The following DLGAP2 variants were observed in gnomAD, a reference collection of about 807,000 sequenced individuals.
DLGAP2 encodes the protein disks large-associated protein 2.
A neutral mutation model predicts 100.3 loss-of-function variants in DLGAP2; 26 were observed. That is an observed-to-expected ratio of 0.26 (90% CI 0.19 to 0.36). DLGAP2 has a LOEUF of 0.36. Among genes scored for constraint, DLGAP2 ranks in the 10% least tolerant of loss-of-function variants. The pLI, the probability that DLGAP2 is intolerant of heterozygous loss-of-function variation, is 1.00. For missense variants in DLGAP2, 1,858 were observed against 1,453.2 expected (o/e 1.28, Z -4.53); for synonymous variants, 886 against 630.1 (o/e 1.41, Z -6.08).
intron 2 of DLGAP2, among the ~76,000 whole-genome samples, chr8:994,230 C>T (rs897456951): frequency 1.3e-5 from 2 of 152,120 alleles, no homozygotes; most frequent in Non-Finnish European, 2.9e-5. Flanking sequence ...GTTGGAGTTT[C>T]ACTCTTGTTG....
chr8:934,700 C>T (rs1470430195), intron 2 of DLGAP2, among the ~76,000 whole-genome samples: 2 of 152,020 alleles, frequency 1.3e-5, no homozygotes, highest in African/African-American at 2.4e-5. Flanking sequence ...CGCTCATGCT[C>T]ATGAGCTCAG....
intron 3 of DLGAP2, among the ~76,000 whole-genome samples, chr8:1,479,306 G>C (rs1799023530): frequency 6.6e-6 from 1 of 152,244 alleles, no homozygotes; most frequent in African/African-American, 2.4e-5. Context: ...ATAAGATGCT[G>C]GGCGCAGGGA....
chr8:879,288 G>A (rs371219270), intron 1 of DLGAP2, among the ~76,000 whole-genome samples: 1 of 152,168 alleles, frequency 6.6e-6, no homozygotes, highest in African/African-American at 2.4e-5. Context: ...AATTTGTGAA[G>A]ACCATTCCCC....
rs1019105588 is a variant in DLGAP2, at chr8:1,702,588, G to A, written c.*1182G>A. On this transcript the variant is annotated 3_prime_UTR_variant, in exon 15 of 15. Transcript: ENST00000637795. ...GTGTTAGACATGAAGGGAAAAAGAG[G>A]TCACATATTGTGATTTCCAGCTGTA... 6.6e-6 allele frequency: 1 copy of A among 151,858 alleles called. No homozygotes were observed. Among genetic ancestry groups the A allele is most frequent in the East Asian group, 2.0e-4 (1 of 5,094 alleles). The allele number at this position is 151,858 out of a possible 1,614,324, so 9.4% of individuals were successfully genotyped here. A position where few individuals can be genotyped will look rare whatever the true frequency, so the allele number is the denominator to read the frequency against.
At chr8:1,012,678 A>G (rs1801329665) in intron 2 of DLGAP2, among the ~76,000 whole-genome samples, 1 of 107,978 alleles carries the variant, frequency 9.3e-6, no homozygotes, top group African/African-American at 3.7e-5. Flanking sequence ...CAGTGTGGAC[A>G]CCGTCCGACC....
At chr8:1,105,781 GTTTTCTAC>G (rs1804740161) in intron 2 of DLGAP2, among the ~76,000 whole-genome samples, 1 of 148,628 alleles carries the variant, frequency 6.7e-6, no homozygotes, top group South Asian at 2.2e-4. Context: ...TTCTAGGAGG[GTTTTCTAC>G]TGAGAGGAGC....
At chr8:946,785 C>T (rs997189334) in intron 2 of DLGAP2, among the ~76,000 whole-genome samples, 5 of 152,158 alleles carry the variant, frequency 3.3e-5, no homozygotes, top group African/African-American at 1.2e-4. Context: ...ACTGCAGAGC[C>T]CTTCTCATTA....
intron 3 of DLGAP2, among the ~76,000 whole-genome samples, chr8:1,275,486 T>C (rs771206326): frequency 2.0e-5 from 3 of 151,856 alleles, no homozygotes; most frequent in Non-Finnish European, 4.4e-5. Flanking sequence ...CATTCTCCAG[T>C]CAGACATCAG....
At chr8:1,475,414 C>T (rs965759635) in intron 3 of DLGAP2, among the ~76,000 whole-genome samples, 6 of 152,176 alleles carry the variant, frequency 3.9e-5, no homozygotes, top group African/African-American at 1.2e-4. Context: ...TTTCATCCCC[C>T]TGAAGTGCCC....
At chr8:1,689,257 G>C (rs6985790) in intron 12 of DLGAP2, among the ~76,000 whole-genome samples, 82,924 of 152,020 alleles carry the variant, frequency 0.55, 25,160 homozygotes, top group African/African-American at 0.83. Flanking sequence ...TTTCTGGCCC[G>C]ACCCGGACCC....
intron 4 of DLGAP2, among the ~76,000 whole-genome samples, chr8:1,502,458 A>G (rs1368582807): frequency 6.6e-6 from 1 of 152,234 alleles, no homozygotes; most frequent in Non-Finnish European, 1.5e-5. Flanking sequence ...TTTCAATATA[A>G]GATGATGGAA....
At chr8:908,344 G>A (rs1487329053) in intron 2 of DLGAP2, among the ~76,000 whole-genome samples, 1 of 152,186 alleles carries the variant, frequency 6.6e-6, no homozygotes, top group Non-Finnish European at 1.5e-5. Context: ...AGAGAAATGT[G>A]TTTGGAATCT....
chr8:1,118,326 G>C (rs893099362), intron 2 of DLGAP2, among the ~76,000 whole-genome samples: 5 of 152,158 alleles, frequency 3.3e-5, no homozygotes, highest in African/African-American at 9.7e-5. Flanking sequence ...TGTGAGCAGA[G>C]ACTGAGAAAC....
At position 1,462,369 on chromosome 8, in the gene DLGAP2, A is replaced by G. The variant is rs13275882; in HGVS notation, c.107-38997A>G. Among the ~76,000 whole-genome samples the G allele has an allele frequency of 6.9e-5, 5 of 72,400 alleles. 1 individual carries two copies. The highest frequency in any genetic ancestry group is 1.6e-4 in the African/African-American group (3 of 19,010). 47.5% of individuals were successfully genotyped at this position (72,400 alleles called of 152,430 possible). ...ACTGGGTGCAGTCGCTGATTCAGTG[A>G]CCAGGAGGAGGGAGAAGGGTGGCAT... On this transcript the variant is annotated intron_variant, in intron 3 of 14. Transcript: ENST00000637795.
chr8:1,576,201 C>T (rs1802969293), intron 6 of DLGAP2, among the ~76,000 whole-genome samples: 1 of 152,190 alleles, frequency 6.6e-6, no homozygotes, highest in Admixed American at 6.5e-5. Flanking sequence ...TTTTGATTTG[C>T]ATTTCTCTGA....
chr8:1,640,933 G>T (rs1449647434), intron 8 of DLGAP2, among the ~76,000 whole-genome samples: 1 of 152,250 alleles, frequency 6.6e-6, no homozygotes, highest in Non-Finnish European at 1.5e-5. Context: ...CCTATAGGAT[G>T]AGTGGATGAA....
chr8:1,337,011 G>C (rs1801290024), intron 3 of DLGAP2, among the ~76,000 whole-genome samples: 1 of 152,210 alleles, frequency 6.6e-6, no homozygotes, highest in Admixed American at 6.5e-5. Flanking sequence ...GAGGCAATGA[G>C]TCTCTAGAAT....
chr8:1,628,943 A>G (rs1441296047), intron 7 of DLGAP2, among the ~76,000 whole-genome samples: 2 of 152,236 alleles, frequency 1.3e-5, no homozygotes, highest in Non-Finnish European at 2.9e-5. Flanking sequence ...TTTAGATGCT[A>G]TTAGGCAAAG....
At chr8:1,061,880 C>T (rs1307533934) in intron 2 of DLGAP2, among the ~76,000 whole-genome samples, 5 of 152,066 alleles carry the variant, frequency 3.3e-5, no homozygotes, top group African/African-American at 9.6e-5. Context: ...GGGGCCCCTC[C>T]GAGCACCCTG....
Sources: gnomAD v4.1 joint callset for allele counts (sites outside exome capture counted in the v4.1 genomes callset) on GRCh38, gnomAD v4.1.1 for gene constraint, MANE v1.5 for transcripts, NCBI Gene and HGNC (gene_info 2026-07-23, HGNC 2026-07-21) for gene names.